Variants in MAGOH observed in about 807,000 individuals in gnomAD.
The protein encoded by MAGOH is protein mago nashi homolog.
Under a neutral mutation model 20.9 loss-of-function variants are expected in MAGOH, and 3 were observed. The ratio of observed to expected loss-of-function variants is 0.14; its 90% CI spans 0.07 to 0.37. MAGOH has a LOEUF of 0.37. Ranked by LOEUF, MAGOH falls within the 10% of genes least tolerant of loss-of-function variation. MAGOH has a pLI of 1.00. For missense variants in MAGOH, 66 were observed against 178.1 expected, an observed-to-expected ratio of 0.37 and a Z score of 3.58; for synonymous variants, 51 against 61.0, an observed-to-expected ratio of 0.84 and a Z score of 0.76.
intron 3 of MAGOH, among the ~76,000 whole-genome samples, chr1:53,229,361 G>A (rs1645575278): frequency 6.6e-6 from 1 of 152,032 alleles, no homozygotes; most frequent in African/African-American, 2.4e-5. Flanking sequence ...ACCACGCCCG[G>A]CTAATTTTTT....
intron 3 of MAGOH, among the ~76,000 whole-genome samples, chr1:53,229,618 T>C (rs1015948103): frequency 8.5e-5 from 13 of 152,118 alleles, no homozygotes; most frequent in African/African-American, 3.1e-4. Context: ...ACCTATGTTT[T>C]AAAAATACCA....
intron 1 of MAGOH, 23 bp from the exon 2 acceptor site, chr1:53,235,658 CA>C: frequency 6.3e-7 from 1 of 1,595,050 alleles, no homozygotes. Context: ...AAAACAATTT[CA>C]ACGTATAATA....
intron 1 of MAGOH, 99 bp from the exon 2 acceptor site, chr1:53,235,734 C>T (rs1572397901): frequency 6.8e-6 from 6 of 876,904 alleles, no homozygotes; most frequent in Admixed American, 6.0e-5. Context: ...ATGTATCTAA[C>T]TTGCTAAAAG....
intron 2 of MAGOH, among the ~76,000 whole-genome samples, chr1:53,235,108 G>A (rs928508840): frequency 3.9e-5 from 6 of 152,156 alleles, no homozygotes; most frequent in Non-Finnish European, 8.8e-5. Context: ...ATTCAATGAT[G>A]TCAACTGCTT....
Position 53,237,673 on chromosome 1 carries a change from C to CAAAAAAAAAAAAAAAAAAAAA in MAGOH, c.88+687_88+688insTTTTTTTTTTTTTTTTTTTTT, listed in dbSNP as rs1231950502. Reference sequence around the variant, plus strand: ...TGGGCAAAAAGAGCGAAAGCCGTCTCAAAAAAAAAAAAAAAAAAAAGGCCT... The same window carrying CAAAAAAAAAAAAAAAAAAAAA: ...TGGGCAAAAAGAGCGAAAGCCGTCTCAAAAAAAAAAAAAAAAAAAAAAAAAAAAAAAAAAAAAAAAAGGCCT... On this transcript the variant is annotated intron_variant, in intron 1 of 4. Coordinates refer to ENST00000371470, the MANE Select transcript of MAGOH (RefSeq NM_002370.4). Among the ~76,000 whole-genome samples, 26 of 55,330 alleles carry CAAAAAAAAAAAAAAAAAAAAA rather than the reference C, an allele frequency of 4.7e-4. 1 individual carries two copies. In the East Asian group the frequency reaches 7.5e-3, roughly 16 times the overall value. The allele number at this position is 55,330 out of a possible 152,430, so 36.3% of individuals were successfully genotyped here.
rs112586961 is a variant in MAGOH at position 53,237,894 on chromosome 1, T to C, written c.88+467A>G. 6.1e-4 allele frequency among the ~76,000 whole-genome samples: 93 copies of C among 152,230 alleles called. 1 individual carries two copies. Among genetic ancestry groups the C allele is most frequent in the African/African-American group, 2.0e-3 (83 of 41,534 alleles). On this transcript the variant is annotated intron_variant, in intron 1 of 4. Transcript: ENST00000371470. ...CCTTTGTGTAGAATGGTCTTCCTTATGAGCTTCACAAGGCTGAGCCCTTCT... is the reference window on the plus strand; with the variant it reads ...CCTTTGTGTAGAATGGTCTTCCTTACGAGCTTCACAAGGCTGAGCCCTTCT...
In MAGOH at chr1:53,230,567, G is replaced by A. The variant is rs1010700927; in HGVS notation, c.259-1613C>T. Among the ~76,000 whole-genome samples, 14 of 151,000 alleles carry A rather than the reference G, an allele frequency of 9.3e-5. No individual in the cohort carries two copies. In the East Asian group the frequency reaches 1.2e-3, roughly 13 times the overall value. On this transcript the variant is annotated intron_variant, in intron 3 of 4. Transcript: ENST00000371470. ...CGAATAGCTAGGACTACAGGTATGCGCCACCACGCCCAGTTAATTTTTAGG... is the reference window on the plus strand; with the variant it reads ...CGAATAGCTAGGACTACAGGTATGCACCACCACGCCCAGTTAATTTTTAGG...
At chr1:53,232,207 A>C (rs1645589399) in intron 3 of MAGOH, among the ~76,000 whole-genome samples, 1 of 152,174 alleles carries the variant, frequency 6.6e-6, no homozygotes, top group Non-Finnish European at 1.5e-5. Flanking sequence ...CTGAGGGTGG[A>C]TTTTTAAAAA....
At chr1:53,232,954 A>C (rs1259512855) in intron 3 of MAGOH, among the ~76,000 whole-genome samples, 1 of 152,180 alleles carries the variant, frequency 6.6e-6, no homozygotes, top group Non-Finnish European at 1.5e-5. Context: ...TACAAAAATT[A>C]GCTGGGCATG....
chr1:53,235,463 T>C, intron 2 of MAGOH, 114 bp downstream of exon 2: 1 of 852,404 alleles, frequency 1.2e-6, no homozygotes, highest in Non-Finnish European at 1.9e-6. Context: ...TACAGACATG[T>C]GTCTCTCTCC....
intron 1 of MAGOH, among the ~76,000 whole-genome samples, chr1:53,236,576 T>G (rs1645611393): frequency 6.6e-6 from 1 of 152,224 alleles, no homozygotes. Context: ...TTCTTGACTC[T>G]TCTTCGTCTC....
At chr1:53,230,614 GA>G (rs927690437) in intron 3 of MAGOH, among the ~76,000 whole-genome samples, 4 of 149,800 alleles carry the variant, frequency 2.7e-5, no homozygotes, top group Non-Finnish European at 4.4e-5. Context: ...TTTCTTTGTA[GA>G]AAAAAAGGTC....
At position 53,236,949 on chromosome 1, in the gene MAGOH, CT is replaced by C. The variant is rs55693928; in HGVS notation, c.89-1315del. Among the ~76,000 whole-genome samples, 971 of 127,998 alleles carry C rather than the reference CT, an allele frequency of 7.6e-3. 6 individuals carry two copies. Among genetic ancestry groups the C allele is most frequent in the Middle Eastern group, 0.031 (8 of 254 alleles). The allele number at this position is 127,998 out of a possible 152,430, so 84.0% of individuals were successfully genotyped here. A position where few individuals can be genotyped will look rare whatever the true frequency, so the allele number is the denominator to read the frequency against. On this transcript the variant is annotated intron_variant, in intron 1 of 4. Transcript: ENST00000371470. ...CTATCTCTGTAGTCCCAACCAGTAT[CT>C]TTTTTTTTTTTTTTTTTTGAGACAG...
At chr1:53,233,357 T>C in intron 3 of MAGOH, 185 bp downstream of exon 3, 2 of 510,380 alleles carry the variant, frequency 3.9e-6, no homozygotes, top group South Asian at 6.3e-5. Flanking sequence ...ACTGAATTAT[T>C]TGTATGATTT....
At position 53,234,536 on chromosome 1, in the gene MAGOH, G is replaced by C. The variant is rs148095423; in HGVS notation, c.148-884C>G. Among the ~76,000 whole-genome samples the C allele has an allele frequency of 5.9e-3, 902 of 151,984 alleles. 9 individuals are homozygous for C. Among genetic ancestry groups the C allele is most frequent in the African/African-American group, 0.021 (864 of 41,446 alleles). Reference sequence around the variant, plus strand: ...CTACAGGCACCCGCCACCATGCCTGGCTAATTTTTTTGTATTTTCAGTACA... The same window carrying C: ...CTACAGGCACCCGCCACCATGCCTGCCTAATTTTTTTGTATTTTCAGTACA... On this transcript the variant is annotated intron_variant, in intron 2 of 4. Coordinates refer to ENST00000371470, the MANE Select transcript of MAGOH (RefSeq NM_002370.4).
chr1:53,235,705 G>T, intron 1 of MAGOH, 70 bp from the exon 2 acceptor site: 1 of 1,286,408 alleles, frequency 7.8e-7, no homozygotes, highest in Non-Finnish European at 1.1e-6. Context: ...CCATGCCAAG[G>T]CATCAGCAGT....
chr1:53,227,946 C>T (rs1053719676), intron 4 of MAGOH, among the ~76,000 whole-genome samples: 6 of 152,134 alleles, frequency 3.9e-5, no homozygotes, highest in East Asian at 1.9e-4. Flanking sequence ...AAGACAATTA[C>T]GCCCAACATT....
chr1:53,231,165 A>T (rs1645584577), intron 3 of MAGOH, among the ~76,000 whole-genome samples: 1 of 152,208 alleles, frequency 6.6e-6, no homozygotes, highest in South Asian at 2.1e-4. Context: ...CATTTTACAA[A>T]TGAAGCCGTA....
chr1:53,233,518 T>C, intron 3 of MAGOH, 24 bp downstream of exon 3: 1 of 1,554,488 alleles, frequency 6.4e-7, no homozygotes, highest in Non-Finnish European at 8.9e-7. Context: ...ATTTCTGCAC[T>C]ACAGGATAAT....
Sources: gnomAD v4.1 joint callset for allele counts (sites outside exome capture counted in the v4.1 genomes callset) on GRCh38, gnomAD v4.1.1 for gene constraint, MANE v1.5 for transcripts, NCBI Gene and HGNC (gene_info 2026-07-23, HGNC 2026-07-21) for gene names.